CCDC14: variants seen among roughly 807,000 people sequenced by gnomAD.
The protein encoded by CCDC14 is coiled-coil domain containing 14.
Under a neutral mutation model 81.4 loss-of-function variants are expected in CCDC14, and 71 were observed. The ratio of observed to expected loss-of-function variants is 0.87; its 90% CI spans 0.72 to 1.06. The LOEUF is 1.06. Among genes scored for constraint, CCDC14 ranks in the 50% least tolerant of loss-of-function variants. The pLI is 0.00. For synonymous variants in CCDC14, 332 were observed against 364.8 expected (o/e 0.91, Z 1.03); for missense variants, 1,046 against 1,047.3 (o/e 1.00, Z 0.02).
Position 123,944,897 on chromosome 3 carries a change from A to G in CCDC14, c.1295T>C (p.Ile432Thr). The G allele has an allele frequency of 6.2e-7, 1 of 1,612,320 alleles. No individual in the cohort carries two copies. The highest frequency in any genetic ancestry group is 1.3e-5 in the African/African-American group (1 of 75,022). Residue 432 changes from isoleucine to threonine, a missense_variant, in exon 9 of 13, where the codon ATA (isoleucine) becomes ACA (threonine). Coordinates refer to ENST00000409697, the MANE Select transcript of CCDC14 (RefSeq NM_001366335.1). The part of the protein sequence containing the change: ...VSGNTDIQVE[I>T]ALAMQPLRSE... ...TCTTAATGGTTGCATGGCCAGTGCT[A>G]TCTCAACTTGAATATCTGTGTTTCC...
rs139035263 is a variant in CCDC14 at position 123,915,399 on chromosome 3, C to T, written c.2098G>A (p.Gly700Arg). The T allele has an allele frequency of 1.0e-4, 162 of 1,613,654 alleles. 2 individuals are homozygous for T. Among genetic ancestry groups the T allele is most frequent in the South Asian group, 5.8e-4 (53 of 91,018 alleles). The change falls in exon 13 of 13, where the codon GGA becomes AGA. Residue 700 changes from glycine (G) to arginine (R), a missense_variant. Physicochemically the swap from Gly to Arg is moderately radical, Grantham distance 125. Transcript: ENST00000409697. ...TRGMEEASAPGIISALSKQDS... is the reference protein window; with the variant it reads ...TRGMEEASAPRIISALSKQDS... ...TGTTTTGAAAGGGCAGAAATAATTC[C>T]AGGTGCAGATGCTTCCTCCATGCCC...
chr3:123,913,920 A>G lies in CCDC14; in HGVS notation c.*859T>C, dbSNP rs2034518898. The G allele has an allele frequency of 2.0e-6, 2 of 985,036 alleles. No individual in the cohort carries two copies. The highest frequency in any genetic ancestry group is 3.5e-5 in the African/African-American group (2 of 57,342). The allele number at this position is 985,036 out of a possible 1,614,324, so 61.0% of individuals were successfully genotyped here. On this transcript the variant is annotated 3_prime_UTR_variant, in exon 13 of 13. Transcript: ENST00000409697. ...AGAAGCAGAGAGACCAACCTACTTC[A>G]TATTATTTATAAAATAGAGAATATT... is the stretch of plus-strand genomic sequence containing the variant.
chr3:123,956,480 A>G, intron 2 of CCDC14, 53 bp from the exon 3 acceptor site: 1 of 1,247,302 alleles, frequency 8.0e-7, no homozygotes, highest in Non-Finnish European at 1.1e-6. Flanking sequence ...AAAATATATT[A>G]GTAAGTAGTC....
At chr3:123,928,279 T>C (rs1358539621) in intron 12 of CCDC14, among the ~76,000 whole-genome samples, 2 of 139,392 alleles carry the variant, frequency 1.4e-5, no homozygotes, top group Middle Eastern at 3.9e-3. Context: ...TGGTGGATCA[T>C]GAAGTCAGGA....
downstream of CCDC14, among the ~76,000 whole-genome samples, chr3:123,896,234 C>T (rs112569080): frequency 7.6e-3 from 1,155 of 152,240 alleles, 7 homozygotes; most frequent in Middle Eastern, 0.024. Context: ...AGGACTAGCA[C>T]GCTAAGTCCC....
At chr3:123,955,706 T>C in intron 5 of CCDC14, 137 bp downstream of exon 5, 1 of 689,108 alleles carries the variant, frequency 1.5e-6, no homozygotes, top group Non-Finnish European at 2.2e-6. Context: ...AGAAGCTGAA[T>C]ACAGAAAGGC....
Position 123,961,143 on chromosome 3 carries a change from C to A in CCDC14, c.30+1G>T. 6.4e-7 allele frequency: 1 copy of A among 1,551,492 alleles called. No individual in the cohort carries two copies. Among genetic ancestry groups the A allele is most frequent in the South Asian group, 1.2e-5 (1 of 84,048 alleles). On this transcript the variant is annotated splice_donor_variant, in intron 1 of 12. Coordinates refer to ENST00000409697, the MANE Select transcript of CCDC14 (RefSeq NM_001366335.1). LOFTEE classifies it high-confidence loss of function. ...GGACTCCTCAGGTCCTCAGCCCTCACCTGGCCCGGTCGAGCTCCAGACCTG... is the reference window on the plus strand; with the variant it reads ...GGACTCCTCAGGTCCTCAGCCCTCAACTGGCCCGGTCGAGCTCCAGACCTG...
At chr3:123,937,013 T>C (rs1385772374) in intron 9 of CCDC14, among the ~76,000 whole-genome samples, 1 of 152,146 alleles carries the variant, frequency 6.6e-6, no homozygotes, top group Non-Finnish European at 1.5e-5. Flanking sequence ...ATAGTAATTT[T>C]GGGATTCATC....
intron 10 of CCDC14, 47 bp from the exon 11 acceptor site, chr3:123,931,573 G>T (rs1487946107): frequency 4.4e-5 from 39 of 879,178 alleles, no homozygotes; most frequent in Non-Finnish European, 5.1e-5. Context: ...AACCTAAAAA[G>T]TACAAACTTG....
chr3:123,938,497 T>C (rs952360462), intron 9 of CCDC14, among the ~76,000 whole-genome samples: 4 of 151,994 alleles, frequency 2.6e-5, no homozygotes, highest in Non-Finnish European at 5.9e-5. Context: ...GCAGCATTTT[T>C]GTAGATTCCA....
At chr3:123,949,321 G>C (rs1392648852) in intron 5 of CCDC14, 189 bp from the exon 6 acceptor site, 2 of 565,148 alleles carry the variant, frequency 3.5e-6, no homozygotes, top group African/African-American at 3.7e-5. Flanking sequence ...TAGTGTTTAA[G>C]TTTCCCCAGT....
rs949620170 is a variant in CCDC14, at chr3:123,956,633, G to GA, written c.86+106dup. 22 of 866,530 alleles carry GA rather than the reference G, an allele frequency of 2.5e-5. No homozygotes were observed. In the African/African-American group the frequency reaches 3.8e-4, roughly 15 times the overall value. The allele number at this position is 866,530 out of a possible 1,614,324, so 53.7% of individuals were successfully genotyped here. A position where few individuals can be genotyped will look rare whatever the true frequency, so the allele number is the denominator to read the frequency against. ...TGAAAAATTGTTCCTCAGAGCTTGT[G>GA]ATGGTAGAGGCCTACCTAATTTTCT... is the stretch of plus-strand genomic sequence containing the variant. On this transcript the variant is annotated intron_variant, in intron 2 of 12. Coordinates refer to ENST00000409697, the MANE Select transcript of CCDC14 (RefSeq NM_001366335.1).
intron 9 of CCDC14, among the ~76,000 whole-genome samples, chr3:123,943,004 C>G (rs548171948): frequency 2.0e-4 from 31 of 151,846 alleles, no homozygotes; most frequent in Non-Finnish European, 4.1e-4. Flanking sequence ...TCCTTTCCTT[C>G]CTGGGTGTAT....
intron 5 of CCDC14, among the ~76,000 whole-genome samples, chr3:123,900,936 A>G (rs1272618490): frequency 6.6e-6 from 1 of 152,146 alleles, no homozygotes; most frequent in African/African-American, 2.4e-5. Context: ...TATAAAAAAT[A>G]TAAGAAGACA....
chr3:123,915,231 T>G lies in CCDC14; in HGVS notation c.2266A>C (p.Arg756=). The change falls in exon 13 of 13, where the codon AGA becomes CGA. Residue 756 remains arginine, a synonymous_variant. Transcript: ENST00000409697. ...CTGACTAGCTGTGTTGTAGCTGCTC[T>G]TATTTGTGGCTGAGGGGATAGTCTC... ...SKRLSPQPQI[R]AATTQLVSNS... 6.2e-7 allele frequency: 1 copy of G among 1,613,818 alleles called. No homozygotes were observed. The highest frequency in any genetic ancestry group is 8.5e-7 in the Non-Finnish European group (1 of 1,179,778).
chr3:123,903,651 G>A (rs1244627124), intron 5 of CCDC14, among the ~76,000 whole-genome samples: 1 of 152,188 alleles, frequency 6.6e-6, no homozygotes, highest in Non-Finnish European at 1.5e-5. Flanking sequence ...TCTCTGTTTA[G>A]TTAACCCCTT....
At chr3:123,933,970 A>C (rs532861793) in intron 9 of CCDC14, among the ~76,000 whole-genome samples, 1 of 152,254 alleles carries the variant, frequency 6.6e-6, no homozygotes, top group East Asian at 1.9e-4. Flanking sequence ...TGCCTGAAAC[A>C]ACATAAAACC....
chr3:123,948,789 T>TA lies in CCDC14; in HGVS notation c.590-5dup, dbSNP rs749930751. The TA allele has an allele frequency of 1.1e-5, 17 of 1,591,518 alleles. No individual in the cohort carries two copies. Among genetic ancestry groups the TA allele is most frequent in the Non-Finnish European group, 1.4e-5 (16 of 1,172,618 alleles). ...GAATGAGGAGTTGCCTGAGATTCTG[T>TA]AAGTAAGAGGGAGAAAAAATTAATC... is the stretch of plus-strand genomic sequence containing the variant. On this transcript the variant is annotated splice_polypyrimidine_tract_variant and splice_region_variant and intron_variant, in intron 6 of 12. Transcript: ENST00000409697.
the CCDC14 span, among the ~76,000 whole-genome samples, chr3:123,885,833 A>G: frequency 1.3e-5 from 2 of 152,020 alleles, no homozygotes; most frequent in African/African-American, 4.8e-5. Flanking sequence ...GTATTCTAAT[A>G]ATTTTGTTTT....
Sources: gnomAD v4.1 joint callset for allele counts (sites outside exome capture counted in the v4.1 genomes callset) on GRCh38, gnomAD v4.1.1 for gene constraint, MANE v1.5 for transcripts, NCBI Gene and HGNC (gene_info 2026-07-23, HGNC 2026-07-21) for gene names.